Variants in LRRC19 observed in about 807,000 individuals in gnomAD.
LRRC19 encodes the protein leucine-rich repeat-containing protein 19.
LRRC19 carries 33 observed loss-of-function variants against 33.3 expected under a neutral mutation model. The ratio of observed to expected loss-of-function variants is 0.99; its 90% CI spans 0.75 to 1.33. The LOEUF (loss-of-function observed/expected upper bound fraction) is 1.33, where lower values mean the gene tolerates loss of function less well. LRRC19 is among the 40% of genes most tolerant of loss of function. LRRC19 has a pLI of 0.00. For missense variants in LRRC19, 463 were observed against 417.3 expected (o/e 1.11, Z -0.95); for synonymous variants, 184 against 152.3 (o/e 1.21, Z -1.53).
At chr9:26,997,638 CCTTTT>C in intron 3 of LRRC19, 85 bp downstream of exon 3, 1 of 1,393,258 alleles carries the variant, frequency 7.2e-7, no homozygotes, top group Non-Finnish European at 9.7e-7. Flanking sequence ...CTGGCTGCTT[CCTTTT>C]CTTTAAAACG....
At chr9:27,003,446 C>T (rs570704462) in intron 1 of LRRC19, among the ~76,000 whole-genome samples, 39 of 152,086 alleles carry the variant, frequency 2.6e-4, no homozygotes, top group Non-Finnish European at 1.6e-4. Flanking sequence ...TTGTTTGAAC[C>T]TGGGAGGCAG....
Position 26,999,685 on chromosome 9 carries a change from T to C in LRRC19, c.10A>G (p.Thr4Ala). The C allele has an allele frequency of 6.2e-7, 1 of 1,608,254 alleles. No homozygotes were observed. The highest frequency in any genetic ancestry group is 8.5e-7 in the Non-Finnish European group (1 of 1,177,130). MKV[T>A]GITILFWPLS... ...GGCCAAAAGAGGATTGTGATGCCTG[T>C]GACTTTCATGTTGCAGACCTGATAG... Residue 4 changes from threonine to alanine, a missense_variant, in exon 2 of 5, where the codon ACA becomes GCA. Thr to Ala is a moderately conservative substitution (Grantham distance 58, BLOSUM62 0). Coordinates refer to ENST00000380055, the MANE Select transcript of LRRC19 (RefSeq NM_022901.3).
intron 2 of LRRC19, among the ~76,000 whole-genome samples, chr9:26,998,915 A>G (rs1007595692): frequency 1.3e-5 from 2 of 152,134 alleles, no homozygotes; most frequent in Non-Finnish European, 2.9e-5. Flanking sequence ...AATCGCTTCA[A>G]CCCAGGAGGC....
chr9:26,996,226 A>T, intron 4 of LRRC19, 85 bp downstream of exon 4: 1 of 837,860 alleles, frequency 1.2e-6, no homozygotes, highest in Non-Finnish European at 1.7e-6. Context: ...TACATTTTTT[A>T]TACAAATTTA....
chr9:26,998,672 T>C (rs1017727224), intron 2 of LRRC19, among the ~76,000 whole-genome samples: 14 of 152,174 alleles, frequency 9.2e-5, no homozygotes, highest in African/African-American at 3.4e-4. Flanking sequence ...AACAACATTA[T>C]ACCTAGGGCT....
chr9:26,997,744 T>C lies in LRRC19; in HGVS notation c.579A>G (p.Thr193=). The C allele has an allele frequency of 6.2e-7, 1 of 1,602,450 alleles. No homozygotes were observed. The highest frequency in any genetic ancestry group is 8.5e-7 in the Non-Finnish European group (1 of 1,176,644). Residue 193 remains threonine (T), a synonymous_variant, in exon 3 of 5, where the codon ACA becomes ACG. Transcript: ENST00000380055. ...ATAGCTTACCTAATGTCACATTTGA[T>C]GTGTTCAACCAGTTCTGCAAATTAA... The part of the protein sequence containing the change: ...SLFNLQNWLN[T]SNVTLENENI...
rs748518321 is a variant in LRRC19 at position 26,997,731 on chromosome 9, A to G, written c.592T>C (p.Leu198=). ...TTGCTTAATTATGATAGCTTACCTA[A>G]TGTCACATTTGATGTGTTCAACCAG... ...QNWLNTSNVT[L]ENENITMCSY... The change falls in exon 3 of 5, where the codon TTA becomes CTA. Residue 198 remains leucine (L), a synonymous_variant. Transcript: ENST00000380055. 1.9e-6 allele frequency: 3 copies of G among 1,589,908 alleles called. No individual in the cohort carries two copies. The African/African-American group carries it at 4.1e-5, about 22-fold the overall frequency.
chr9:26,999,213 A>G (rs1828340969), intron 2 of LRRC19, among the ~76,000 whole-genome samples: 2 of 152,248 alleles, frequency 1.3e-5, no homozygotes, highest in South Asian at 4.1e-4. Flanking sequence ...ACTGAACAGT[A>G]AACTAAGAAT....
rs35763860 is a variant in LRRC19 at position 26,996,432 on chromosome 9, A to C, written c.663T>G (p.Pro221=). 2.3e-3 allele frequency: 3,683 copies of C among 1,603,156 alleles called. 87 individuals carry two copies. The African/African-American group carries it at 0.044, about 19-fold the overall frequency. The change falls in exon 4 of 5, where the codon CCT becomes CCG. Residue 221 remains proline, a synonymous_variant. Coordinates refer to ENST00000380055, the MANE Select transcript of LRRC19 (RefSeq NM_022901.3). ...SLQSYNIKTV[P]HKAECHSKFP... Reference sequence around the variant, plus strand: ...ATTTTGAGTGGCATTCAGCCTTATGAGGTACTGTTTTGATATTGTAGCTCT... The same window carrying C: ...ATTTTGAGTGGCATTCAGCCTTATGCGGTACTGTTTTGATATTGTAGCTCT...
intron 3 of LRRC19, 134 bp downstream of exon 3, chr9:26,997,594 A>C (rs1828232587): frequency 2.1e-6 from 2 of 934,388 alleles, no homozygotes; most frequent in Non-Finnish European, 3.1e-6. Context: ...TTGGCCTCCC[A>C]TAGTGATGGG....
At chr9:27,001,417 A>G (rs1181573791) in intron 1 of LRRC19, among the ~76,000 whole-genome samples, 1 of 152,142 alleles carries the variant, frequency 6.6e-6, no homozygotes. Context: ...ACTAATTTAC[A>G]TTCCCAAGAG....
intron 3 of LRRC19, among the ~76,000 whole-genome samples, chr9:26,997,244 CT>C (rs1173669261): frequency 1.3e-5 from 2 of 151,482 alleles, no homozygotes; most frequent in South Asian, 2.1e-4. Context: ...ATTTTTCCCC[CT>C]GGTAATGGGG....
Position 26,995,763 on chromosome 9 carries a change from T to C in LRRC19, c.871A>G (p.Ile291Val), listed in dbSNP as rs766706743. ...LTTSLLIFIA[I>V]KCPIWYNILL... ...ATATTGTACCATATTGGGCATTTGA[T>C]AGCAATAAAAATGAGAAGTGAAGTC... Residue 291 changes from isoleucine (I) to valine (V), a missense_variant, in exon 5 of 5, where the codon ATC becomes GTC. By Grantham distance (29) the Ile-to-Val change is conservative. Transcript: ENST00000380055. The C allele has an allele frequency of 1.1e-5, 18 of 1,613,692 alleles. No individual in the cohort carries two copies. Among genetic ancestry groups the C allele is most frequent in the Non-Finnish European group, 1.5e-5 (18 of 1,179,878 alleles).
At position 26,998,135 on chromosome 9, in the gene LRRC19, C is replaced by G; in HGVS notation, c.188G>C (p.Gly63Ala). 1 of 1,610,330 alleles carries G rather than the reference C, an allele frequency of 6.2e-7. No individual in the cohort carries two copies. Among genetic ancestry groups the G allele is most frequent in the Non-Finnish European group, 8.5e-7 (1 of 1,177,202 alleles). ...TGTCTGTAGAACTCTTGTGTCTGTA[C>G]CATTAAGAGTAATTTGGTTATAACT... ...DLSYNQITLN[G>A]TDTRVLQTYF... Residue 63 changes from glycine (G) to alanine (A), a missense_variant, in exon 3 of 5, where the codon GGT becomes GCT. By Grantham distance (60) the Gly-to-Ala change is moderately conservative. Transcript: ENST00000380055.
intron 4 of LRRC19, 36 bp downstream of exon 4, chr9:26,996,275 A>AT: frequency 8.3e-7 from 1 of 1,208,466 alleles, no homozygotes; most frequent in South Asian, 1.9e-5. Context: ...AGTATGATAC[A>AT]TTCAGCAGTG....
At chr9:26,996,545 G>T in intron 3 of LRRC19, 46 bp from the exon 4 acceptor site, 1 of 1,214,920 alleles carries the variant, frequency 8.2e-7, no homozygotes, top group Non-Finnish European at 1.1e-6. Flanking sequence ...AAAAATAATA[G>T]TTAACAACAT....
At position 26,995,701 on chromosome 9, in the gene LRRC19, A is replaced by G. The variant is rs369739393; in HGVS notation, c.933T>C (p.His311=). 9.3e-6 allele frequency: 15 copies of G among 1,613,764 alleles called. No individual in the cohort carries two copies. The highest frequency in any genetic ancestry group is 1.3e-5 in the African/African-American group (1 of 74,922). Residue 311 remains histidine (H), a synonymous_variant, in exon 5 of 5, where the codon CAT becomes CAC. Coordinates refer to ENST00000380055, the MANE Select transcript of LRRC19 (RefSeq NM_022901.3). ...LSYNHHRLEE[H]EAETYEDGFT... ...AACCATCTTCATAGGTTTCTGCTTC[A>G]TGCTCTTCCAGGCGATGATGATTAT...
chr9:27,000,104 T>G (rs1828398124), intron 1 of LRRC19, among the ~76,000 whole-genome samples: 1 of 152,178 alleles, frequency 6.6e-6, no homozygotes, highest in Non-Finnish European at 1.5e-5. Context: ...TTTCTTGAAA[T>G]ACATAAAATG....
intron 1 of LRRC19, among the ~76,000 whole-genome samples, chr9:27,002,742 C>T (rs978104296): frequency 2.0e-5 from 3 of 152,014 alleles, no homozygotes; most frequent in Non-Finnish European, 2.9e-5. Context: ...AGCTTTGTTC[C>T]TTTTTGCTGA....
Sources: gnomAD v4.1 joint callset for allele counts (sites outside exome capture counted in the v4.1 genomes callset) on GRCh38, gnomAD v4.1.1 for gene constraint, MANE v1.5 for transcripts, NCBI Gene and HGNC (gene_info 2026-07-23, HGNC 2026-07-21) for gene names.